Variants in CSMD2 observed in about 807,000 individuals in gnomAD.
The protein encoded by CSMD2 is CUB and sushi domain-containing protein 2.
A neutral mutation model predicts 398.5 loss-of-function variants in CSMD2; 130 were observed. The observed-to-expected ratio is 0.33, with a 90% CI of 0.28 to 0.38. CSMD2 has a LOEUF of 0.38. Ranked by LOEUF, CSMD2 falls within the 10% of genes least tolerant of loss-of-function variation. The probability of loss-of-function intolerance (pLI) is 1.00; values close to 1 mark genes in which losing one functional copy is unlikely to be tolerated. For missense variants in CSMD2, 3,829 were observed against 4,764.9 expected (o/e 0.80, Z 5.78); for synonymous variants, 1,828 against 1,908.5 (o/e 0.96, Z 1.10).
chr1:33,523,924 C>T (rs1326602536), intron 66 of CSMD2, among the ~76,000 whole-genome samples: 2 of 152,198 alleles, frequency 1.3e-5, no homozygotes, highest in African/African-American at 2.4e-5. Flanking sequence ...ATTTGCTTAT[C>T]TATCCATCTA....
intron 3 of CSMD2, among the ~76,000 whole-genome samples, chr1:33,939,255 T>G (rs1166253487): frequency 6.6e-6 from 1 of 151,990 alleles, no homozygotes; most frequent in Non-Finnish European, 1.5e-5. Flanking sequence ...TTTAGCATCT[T>G]CTATGATCAG....
Position 33,662,786 on chromosome 1 carries a change from T to G in CSMD2, c.4255+104A>C, listed in dbSNP as rs1644180246. 9.6e-6 allele frequency: 10 copies of G among 1,044,064 alleles called. No individual in the cohort carries two copies. In the East Asian group the frequency reaches 2.4e-4, roughly 25 times the overall value. The allele number at this position is 1,044,064 out of a possible 1,614,324, so 64.7% of individuals were successfully genotyped here. On this transcript the variant is annotated intron_variant, in intron 26 of 70. Transcript: ENST00000373381. ...AGGCACATAGCAGATGTTCAATAAC[T>G]ATCTTTACATGGACTGAGGGATGAA... is the stretch of plus-strand genomic sequence containing the variant.
At chr1:34,110,852 T>A (rs1204059691) in intron 1 of CSMD2, among the ~76,000 whole-genome samples, 1 of 152,104 alleles carries the variant, frequency 6.6e-6, no homozygotes, top group African/African-American at 2.4e-5. Context: ...TGACATGGGT[T>A]GACTATATAA....
chr1:33,718,473 G>C (rs1272572398), intron 19 of CSMD2, among the ~76,000 whole-genome samples: 1 of 152,202 alleles, frequency 6.6e-6, no homozygotes. Context: ...ATCACACCAA[G>C]TGAGTATCCT....
At chr1:33,982,004 C>T (rs987073462) in intron 3 of CSMD2, among the ~76,000 whole-genome samples, 2 of 151,986 alleles carry the variant, frequency 1.3e-5, no homozygotes, top group African/African-American at 2.4e-5. Context: ...TGATTTGTGC[C>T]GAGGGCATGG....
intron 4 of CSMD2, among the ~76,000 whole-genome samples, chr1:33,932,923 A>G (rs1570549642): frequency 6.6e-6 from 1 of 152,204 alleles, no homozygotes; most frequent in East Asian, 1.9e-4. Context: ...TGCAGGCAGC[A>G]CCAAGGTGGA....
chr1:34,140,876 A>G (rs1639227174), intron 1 of CSMD2, among the ~76,000 whole-genome samples: 1 of 152,120 alleles, frequency 6.6e-6, no homozygotes, highest in Non-Finnish European at 1.5e-5. Flanking sequence ...CTAGCTCCAG[A>G]GACCAGGCTC....
At chr1:33,548,218 T>C (rs1657094837) in intron 56 of CSMD2, among the ~76,000 whole-genome samples, 1 of 152,190 alleles carries the variant, frequency 6.6e-6, no homozygotes, top group East Asian at 1.9e-4. Flanking sequence ...CTTTTGGCAG[T>C]ATGAGAACAG....
intron 58 of CSMD2, among the ~76,000 whole-genome samples, 200 bp from the exon 59 acceptor site, chr1:33,541,509 C>G (rs1382525453): frequency 6.6e-6 from 1 of 152,164 alleles, no homozygotes; most frequent in Non-Finnish European, 1.5e-5. Flanking sequence ...CTCTGTCACC[C>G]AGGCTGGAGT....
Position 33,677,155 on chromosome 1 carries a change from A to C in CSMD2, c.4053-14063T>G, listed in dbSNP as rs570856830. On this transcript the variant is annotated intron_variant, in intron 25 of 70. Coordinates refer to ENST00000373381, the MANE Select transcript of CSMD2 (RefSeq NM_001281956.2). ...AGCTTCTGCACAGCAAAAGAAACGA[A>C]CATCAGAGTGAACAGGCAACCTACA... is the stretch of plus-strand genomic sequence containing the variant. 3.2e-4 allele frequency among the ~76,000 whole-genome samples: 48 copies of C among 152,278 alleles called. 1 individual carries two copies. The highest frequency in any genetic ancestry group is 1.8e-3 in the Admixed American group (28 of 15,294).
chr1:33,704,912 G>A (rs1415839560), intron 22 of CSMD2, among the ~76,000 whole-genome samples: 2 of 150,366 alleles, frequency 1.3e-5, no homozygotes, highest in Non-Finnish European at 3.0e-5. Context: ...ACAGGCACCC[G>A]CCATCACGTC....
At chr1:34,049,530 AC>A (rs1652936251) in intron 2 of CSMD2, among the ~76,000 whole-genome samples, 1 of 152,034 alleles carries the variant, frequency 6.6e-6, no homozygotes, top group Non-Finnish European at 1.5e-5. Flanking sequence ...TTGCCCCCCA[AC>A]CCCAGATGCC....
chr1:33,538,907 G>A (rs1258013091), intron 60 of CSMD2, among the ~76,000 whole-genome samples: 2 of 152,172 alleles, frequency 1.3e-5, no homozygotes, highest in African/African-American at 4.8e-5. Context: ...TGTCAAGAAG[G>A]GAGGCATGAC....
intron 4 of CSMD2, 34 bp from the exon 5 acceptor site, chr1:33,918,335 A>T: frequency 1.3e-6 from 2 of 1,598,788 alleles, no homozygotes; most frequent in Non-Finnish European, 1.7e-6. Context: ...TTACATGAGT[A>T]GTCTGGTTTT....
chr1:33,861,563 G>A (rs1639511414), intron 5 of CSMD2, among the ~76,000 whole-genome samples: 1 of 152,170 alleles, frequency 6.6e-6, no homozygotes, highest in Non-Finnish European at 1.5e-5. Flanking sequence ...CTGTGTGACT[G>A]CCAGGCACTT....
intron 5 of CSMD2, among the ~76,000 whole-genome samples, chr1:33,898,458 G>A (rs114815624): frequency 6.6e-4 from 100 of 152,278 alleles, no homozygotes; most frequent in Non-Finnish European, 1.2e-3. Context: ...AGATAAAAAT[G>A]CCCTTTTGCC....
intron 1 of CSMD2, among the ~76,000 whole-genome samples, chr1:34,094,144 T>C (rs1658984146): frequency 6.6e-6 from 1 of 151,946 alleles, no homozygotes; most frequent in Admixed American, 6.6e-5. Context: ...CAGAATTTCA[T>C]ATCCAGCCAA....
At chr1:33,946,283 T>A (rs1057411531) in intron 3 of CSMD2, among the ~76,000 whole-genome samples, 3 of 152,246 alleles carry the variant, frequency 2.0e-5, no homozygotes, top group Admixed American at 2.0e-4. Flanking sequence ...AGGTGTTGGA[T>A]TCTGGAATAA....
At chr1:33,564,489 C>A (rs1314332322) in intron 53 of CSMD2, among the ~76,000 whole-genome samples, 1 of 152,180 alleles carries the variant, frequency 6.6e-6, no homozygotes, top group Non-Finnish European at 1.5e-5. Flanking sequence ...TTCCTGAGGG[C>A]ATCTGCATGT....
Sources: gnomAD v4.1 joint callset for allele counts (sites outside exome capture counted in the v4.1 genomes callset) on GRCh38, gnomAD v4.1.1 for gene constraint, MANE v1.5 for transcripts, NCBI Gene and HGNC (gene_info 2026-07-23, HGNC 2026-07-21) for gene names.